MEI4: variants seen among roughly 807,000 people sequenced by gnomAD.
The protein encoded by MEI4 is meiotic double-stranded break formation protein 4.
MEI4 carries 27 observed loss-of-function variants against 31.4 expected under a neutral mutation model. The ratio of observed to expected loss-of-function variants is 0.86; its 90% CI spans 0.63 to 1.19. The LOEUF is 1.19. Ranked by LOEUF, MEI4 falls within the 50% of genes most tolerant of loss-of-function variation. The probability of loss-of-function intolerance (pLI) is 0.00; values close to 1 mark genes in which losing one functional copy is unlikely to be tolerated. For missense variants in MEI4, 329 were observed against 398.9 expected, an observed-to-expected ratio of 0.82 and a Z score of 1.49; for synonymous variants, 122 against 145.4, an observed-to-expected ratio of 0.84 and a Z score of 1.16.
intron 1 of MEI4, among the ~76,000 whole-genome samples, chr6:77,683,172 G>C (rs566801590): frequency 6.6e-6 from 1 of 152,208 alleles, no homozygotes; most frequent in Admixed American, 6.5e-5. Context: ...ATCAAAAATT[G>C]ATTGGTGCAG....
chr6:77,814,583 G>A (rs547502390), intron 3 of MEI4, among the ~76,000 whole-genome samples: 2 of 152,100 alleles, frequency 1.3e-5, no homozygotes, highest in Non-Finnish European at 2.9e-5. Context: ...GCTGAAAGCT[G>A]AATCATGCAA....
chr6:77,841,540 C>T (rs972871494), intron 4 of MEI4, among the ~76,000 whole-genome samples: 70 of 151,052 alleles, frequency 4.6e-4, no homozygotes, highest in Admixed American at 4.6e-3. Context: ...TGGAGTTTCA[C>T]CATGTTGGCC....
chr6:77,840,079 A>G (rs1280370963), intron 4 of MEI4, among the ~76,000 whole-genome samples: 1 of 152,198 alleles, frequency 6.6e-6, no homozygotes, highest in Non-Finnish European at 1.5e-5. Context: ...CCAGATAATT[A>G]GGAAATATAT....
chr6:77,900,814 G>C (rs1332549564), intron 4 of MEI4, among the ~76,000 whole-genome samples: 1 of 151,864 alleles, frequency 6.6e-6, no homozygotes, highest in Non-Finnish European at 1.5e-5. Flanking sequence ...CAGGTGTCTT[G>C]AACTTATTCC....
intron 4 of MEI4, among the ~76,000 whole-genome samples, chr6:77,883,043 A>G (rs926643706): frequency 3.3e-5 from 5 of 152,164 alleles, no homozygotes; most frequent in African/African-American, 1.2e-4. Flanking sequence ...GCATATGTCC[A>G]GGTTCGTACA....
Position 77,723,244 on chromosome 6 carries a change from G to C in MEI4, c.232+32341G>C, listed in dbSNP as rs1262681828. On this transcript the variant is annotated intron_variant, in intron 2 of 4. Transcript: ENST00000684080. ...GGGCTCCCCTGGAAGCAGAGAGACTGCTTGTATAGTACATAAATCTACTGC... is the reference window on the plus strand; with the variant it reads ...GGGCTCCCCTGGAAGCAGAGAGACTCCTTGTATAGTACATAAATCTACTGC... Among the ~76,000 whole-genome samples the C allele has an allele frequency of 1.4e-5, 2 of 142,996 alleles. 1 individual carries two copies. The allele number at this position is 142,996 out of a possible 152,430, so 93.8% of individuals were successfully genotyped here.
chr6:77,905,590 A>C (rs1436513276), intron 4 of MEI4, among the ~76,000 whole-genome samples: 1 of 140,198 alleles, frequency 7.1e-6, no homozygotes, highest in East Asian at 2.2e-4. Context: ...TCCGCCTCCC[A>C]GGTTCAAGTG....
intron 2 of MEI4, among the ~76,000 whole-genome samples, chr6:77,698,088 C>A (rs143223818): frequency 4.6e-5 from 7 of 152,068 alleles, no homozygotes; most frequent in African/African-American, 1.4e-4. Context: ...AGGATTGCAA[C>A]CCCTGCCTTT....
At chr6:77,841,172 AT>A (rs1770348222) in intron 4 of MEI4, among the ~76,000 whole-genome samples, 1 of 151,494 alleles carries the variant, frequency 6.6e-6, no homozygotes, top group Admixed American at 6.6e-5. Context: ...AAGCTTAAAC[AT>A]TACTTGGTGT....
At chr6:77,802,453 G>A (rs1014994818) in intron 3 of MEI4, among the ~76,000 whole-genome samples, 3 of 152,130 alleles carry the variant, frequency 2.0e-5, no homozygotes, top group African/African-American at 4.8e-5. Context: ...TTTAATTGGA[G>A]CATTTAGCCC....
chr6:77,899,525 C>T (rs1015528078), intron 4 of MEI4, among the ~76,000 whole-genome samples: 1 of 152,070 alleles, frequency 6.6e-6, no homozygotes, highest in Non-Finnish European at 1.5e-5. Context: ...AGCCATCCTG[C>T]TTCAGTATCG....
At position 77,887,756 on chromosome 6, in the gene MEI4, G is replaced by A. The variant is rs540113615; in HGVS notation, c.901-35333G>A. On this transcript the variant is annotated intron_variant, in intron 4 of 4. Coordinates refer to ENST00000684080, the MANE Select transcript of MEI4 (RefSeq NM_001322247.2). ...GTTAGTATAATGTGTATCTGCAGCT[G>A]TTGGATAAAATATTCTGCAAATATC... is the stretch of plus-strand genomic sequence containing the variant. Among the ~76,000 whole-genome samples, 8 of 152,302 alleles carry A rather than the reference G, an allele frequency of 5.3e-5. No individual in the cohort carries two copies. The East Asian group carries it at 9.6e-4, about 18-fold the overall frequency.
chr6:77,907,976 A>T (rs1766338294), intron 4 of MEI4, among the ~76,000 whole-genome samples: 1 of 146,844 alleles, frequency 6.8e-6, no homozygotes, highest in African/African-American at 2.5e-5. Flanking sequence ...CATATCCTTC[A>T]CGCACTTGTT....
chr6:77,790,081 A>T (rs1235101900), intron 3 of MEI4, among the ~76,000 whole-genome samples: 1 of 152,066 alleles, frequency 6.6e-6, no homozygotes, highest in African/African-American at 2.4e-5. Context: ...AGCCATAAAA[A>T]ATGATGAGTT....
intron 4 of MEI4, among the ~76,000 whole-genome samples, chr6:77,861,146 G>A (rs1359593636): frequency 1.3e-5 from 2 of 152,132 alleles, no homozygotes; most frequent in Admixed American, 1.3e-4. Context: ...CTTCACTGTA[G>A]CACAATCTCC....
chr6:77,748,038 G>A (rs936881337), intron 2 of MEI4, among the ~76,000 whole-genome samples: 1 of 152,186 alleles, frequency 6.6e-6, no homozygotes, highest in African/African-American at 2.4e-5. Context: ...TGATGCAAGG[G>A]GTGCCCATGG....
intron 1 of MEI4, among the ~76,000 whole-genome samples, chr6:77,665,701 G>A (rs769060915): frequency 3.9e-5 from 6 of 152,156 alleles, no homozygotes; most frequent in Non-Finnish European, 8.8e-5. Context: ...CCGGAGTTTT[G>A]GGTCCACAGA....
At position 77,817,023 on chromosome 6, in the gene MEI4, ATGTG is replaced by A. The variant is rs111311534; in HGVS notation, c.769-11892_769-11889del. Among the ~76,000 whole-genome samples the A allele has an allele frequency of 6.2e-4, 92 of 149,266 alleles. No individual in the cohort carries two copies. The South Asian group carries it at 9.5e-3, about 15-fold the overall frequency. ...GGATGACACTATTGTGTGTGTGTGT[ATGTG>A]TGTGTGTGTGTGTGTTGTTTTTGTT... On this transcript the variant is annotated intron_variant, in intron 3 of 4. Transcript: ENST00000684080.
intron 4 of MEI4, among the ~76,000 whole-genome samples, chr6:77,851,480 G>T (rs1376948096): frequency 3.3e-5 from 5 of 152,020 alleles, no homozygotes; most frequent in Admixed American, 6.6e-5. Context: ...CATGTCCTTT[G>T]TAGGGACATG....
Sources: allele counts gnomAD v4.1 joint callset (sites outside exome capture counted in the v4.1 genomes callset), GRCh38; gene constraint gnomAD v4.1.1; transcripts MANE v1.5; gene names NCBI Gene and HGNC (gene_info 2026-07-23, HGNC 2026-07-21).